ARHGEF9: variants seen among roughly 807,000 people sequenced by gnomAD.
ARHGEF9 encodes rho guanine nucleotide exchange factor 9.
Under a neutral mutation model 41.3 loss-of-function variants are expected in ARHGEF9, and 2 were observed. The ratio of observed to expected loss-of-function variants is 0.05; its 90% CI spans 0.02 to 0.15. The LOEUF is 0.15. ARHGEF9 is among the 10% of genes least tolerant of loss of function. ARHGEF9 has a pLI of 1.00. For synonymous variants in ARHGEF9, 160 were observed against 154.4 expected, an observed-to-expected ratio of 1.04 and a Z score of -0.27; for missense variants, 225 against 424.7, an observed-to-expected ratio of 0.53 and a Z score of 4.13.
At position 63,739,642 on chromosome X, in the gene ARHGEF9, A is replaced by G. The variant is rs1390968624; in HGVS notation, c.31-14931T>C. Among the ~76,000 whole-genome samples the G allele has an allele frequency of 8.1e-5, 9 of 111,373 alleles. No homozygotes were observed. In the Admixed American group the frequency reaches 8.6e-4, roughly 11 times the overall value. On this transcript the variant is annotated intron_variant, in intron 1 of 9. Coordinates refer to ENST00000671741, the MANE Select transcript of ARHGEF9 (RefSeq NM_001353921.2). ...CTTGTTTCTCTTTTCTCTGAGCCTC[A>G]GTATCCCCATTTGTAAAATGGATAT...
chrX:63,641,453 C>T (rs1556306017), intron 9 of ARHGEF9: 1 of 110,562 alleles, frequency 9.0e-6, no homozygotes. Flanking sequence ...TCAAGTGAAT[C>T]AGTATTTAGA....
intron 1 of ARHGEF9, among the ~76,000 whole-genome samples, chrX:63,746,300 AG>A (rs1255178597): frequency 8.9e-6 from 1 of 112,406 alleles, no homozygotes; most frequent in East Asian, 2.8e-4. Flanking sequence ...TAAGGGCAAG[AG>A]AAAAACTGGC....
chrX:63,675,574 T>C (rs1190812330), intron 5 of ARHGEF9, among the ~76,000 whole-genome samples: 1 of 112,149 alleles, frequency 8.9e-6, no homozygotes, highest in Non-Finnish European at 1.9e-5. Flanking sequence ...ATAAATTAAA[T>C]ACAATCATCC....
chrX:63,668,281 G>C (rs1260022512), intron 6 of ARHGEF9, among the ~76,000 whole-genome samples: 1 of 110,682 alleles, frequency 9.0e-6, no homozygotes, highest in Non-Finnish European at 1.9e-5. Context: ...TTACAGGCAT[G>C]TGTGTGACAC....
chrX:63,668,159 A>C (rs1223797944), intron 6 of ARHGEF9, among the ~76,000 whole-genome samples: 9 of 109,637 alleles, frequency 8.2e-5, no homozygotes, highest in Non-Finnish European at 1.9e-5. Context: ...TTTGAGACAG[A>C]GTCTCCCTCT....
At chrX:63,779,065 G>C (rs1345227496) in intron 1 of ARHGEF9, among the ~76,000 whole-genome samples, 1 of 111,868 alleles carries the variant, frequency 8.9e-6, no homozygotes, top group Admixed American at 9.5e-5. Context: ...AAACGTAAAA[G>C]CCAGGTCCTA....
rs200806219 is a variant in ARHGEF9, at chrX:63,771,573, CT to C, written c.30+13542del. ...GGGCTTCATCCAGTCAGTTGAAGAA[CT>C]TTTTTTTTTTGAGACAGAGTCTCAT... On this transcript the variant is annotated intron_variant, in intron 1 of 9. Transcript: ENST00000671741. Among the ~76,000 whole-genome samples the C allele has an allele frequency of 4.4e-4, 47 of 105,865 alleles. 2 individuals are homozygous for C. The highest frequency in any genetic ancestry group is 3.1e-4 in the Non-Finnish European group (16 of 51,052). 91.9% of individuals were successfully genotyped at this position (105,865 alleles called of 115,157 possible).
chrX:63,652,243 C>A (rs782563289), intron 8 of ARHGEF9, among the ~76,000 whole-genome samples: 1 of 111,523 alleles, frequency 9.0e-6, no homozygotes, highest in East Asian at 2.8e-4. Flanking sequence ...TAGCAAAAAA[C>A]GAACAGTCAG....
intron 1 of ARHGEF9, among the ~76,000 whole-genome samples, chrX:63,728,985 G>C (rs2054132830): frequency 9.0e-6 from 1 of 111,377 alleles, no homozygotes; most frequent in Non-Finnish European, 1.9e-5. Flanking sequence ...GGGAGTGGAG[G>C]GAGTGATGGC....
intron 6 of ARHGEF9, among the ~76,000 whole-genome samples, chrX:63,668,755 T>C (rs782655877): frequency 8.9e-6 from 1 of 112,386 alleles, no homozygotes; most frequent in Non-Finnish European, 1.9e-5. Context: ...CCTAGTAATA[T>C]AGCAACCCAG....
At chrX:63,773,056 G>A (rs2056230627) in intron 1 of ARHGEF9, among the ~76,000 whole-genome samples, 1 of 111,556 alleles carries the variant, frequency 9.0e-6, no homozygotes, top group Admixed American at 9.6e-5. Context: ...ATGGCAATAG[G>A]ATCTCTTAGA....
At chrX:63,769,623 G>A (rs1489655982) in intron 1 of ARHGEF9, among the ~76,000 whole-genome samples, 10 of 111,363 alleles carry the variant, frequency 9.0e-5, no homozygotes, top group African/African-American at 3.3e-4. Context: ...ATTGTTTCTT[G>A]GGCCGGGCCC....
At chrX:63,744,388 G>A (rs1172040350) in intron 1 of ARHGEF9, among the ~76,000 whole-genome samples, 1 of 111,790 alleles carries the variant, frequency 8.9e-6, no homozygotes, top group Non-Finnish European at 1.9e-5. Flanking sequence ...ACATTTCCTG[G>A]GGCAAGTCCT....
intron 4 of ARHGEF9, among the ~76,000 whole-genome samples, chrX:63,687,614 A>G (rs1556377051): frequency 9.0e-6 from 1 of 111,186 alleles, no homozygotes; most frequent in Admixed American, 9.6e-5. Context: ...GAAAATGCCA[A>G]TGTAACACAG....
Position 63,635,650 on chromosome X carries a change from C to T in ARHGEF9, c.*2378G>A, listed in dbSNP as rs182557715. ...CAGTGGGTTCAGTAGAGGAGAAGTG[C>T]GGGTTGAGAAGTAATATCCCTGATC... On this transcript the variant is annotated 3_prime_UTR_variant, in exon 10 of 10. Coordinates refer to ENST00000671741, the MANE Select transcript of ARHGEF9 (RefSeq NM_001353921.2). 14 of 325,796 alleles carry T rather than the reference C, an allele frequency of 4.3e-5. No homozygotes were observed. The highest frequency in any genetic ancestry group is 4.3e-4 in the South Asian group (8 of 18,676). 26.8% of individuals were successfully genotyped at this position (325,796 alleles called of 1,213,427 possible).
chrX:63,689,362 G>A (rs1388744278), intron 4 of ARHGEF9, among the ~76,000 whole-genome samples: 6 of 111,733 alleles, frequency 5.4e-5, no homozygotes, highest in African/African-American at 2.0e-4. Context: ...TATATCATAC[G>A]AAACAGACTT....
intron 2 of ARHGEF9, among the ~76,000 whole-genome samples, chrX:63,713,734 C>A (rs868963213): frequency 2.2e-5 from 2 of 89,432 alleles, no homozygotes; most frequent in African/African-American, 6.5e-5. Context: ...ACACACACAC[C>A]CAGTTTTGGA....
intron 5 of ARHGEF9, among the ~76,000 whole-genome samples, chrX:63,675,181 C>T (rs184972952): frequency 1.8e-5 from 2 of 111,516 alleles, no homozygotes; most frequent in African/African-American, 6.5e-5. Context: ...ATACATACTT[C>T]TTTTACATGA....
chrX:63,659,607 A>C (rs2049085285), intron 7 of ARHGEF9, among the ~76,000 whole-genome samples: 1 of 111,034 alleles, frequency 9.0e-6, no homozygotes, highest in South Asian at 3.9e-4. Context: ...CCCTTTATAG[A>C]GGGGACCCTA....
Sources: allele counts gnomAD v4.1 joint callset (sites outside exome capture counted in the v4.1 genomes callset), GRCh38; gene constraint gnomAD v4.1.1; transcripts MANE v1.5; gene names NCBI Gene and HGNC (gene_info 2026-07-23, HGNC 2026-07-21).